The following TANC2 variants were observed in gnomAD, a reference collection of about 807,000 sequenced individuals.
The protein encoded by TANC2 is protein TANC2.
Under a neutral mutation model 210.5 loss-of-function variants are expected in TANC2, and 26 were observed. The ratio of observed to expected loss-of-function variants is 0.12; its 90% CI spans 0.09 to 0.17. The LOEUF (loss-of-function observed/expected upper bound fraction) is 0.17, where lower values mean the gene tolerates loss of function less well. Among genes scored for constraint, TANC2 ranks in the 10% least tolerant of loss-of-function variants. TANC2 has a pLI of 1.00. For missense variants in TANC2, 2,129 were observed against 2,608.9 expected, an observed-to-expected ratio of 0.82 and a Z score of 4.01; for synonymous variants, 931 against 967.1, an observed-to-expected ratio of 0.96 and a Z score of 0.69.
intron 5 of TANC2, among the ~76,000 whole-genome samples, chr17:63,187,894 G>A (rs1025470850): frequency 2.6e-5 from 4 of 152,012 alleles, no homozygotes; most frequent in Non-Finnish European, 4.4e-5. Context: ...TTTAGGAATA[G>A]CATCTTTAAA....
At chr17:63,319,124 G>A in intron 11 of TANC2, 34 bp downstream of exon 11, 6 of 1,587,060 alleles carry the variant, frequency 3.8e-6, no homozygotes, top group African/African-American at 1.3e-5. Flanking sequence ...GGATATGGTA[G>A]TTCCATTTTA....
intron 10 of TANC2, among the ~76,000 whole-genome samples, 200 bp downstream of exon 10, chr17:63,314,869 A>T (rs1449304000): frequency 6.6e-6 from 1 of 152,216 alleles, no homozygotes; most frequent in African/African-American, 2.4e-5. Context: ...CCTAAGCGTG[A>T]CTGAAGAAAA....
chr17:63,354,568 C>A (rs1218114751), intron 13 of TANC2, among the ~76,000 whole-genome samples: 1 of 152,118 alleles, frequency 6.6e-6, no homozygotes, highest in African/African-American at 2.4e-5. Context: ...TTACAAAGAC[C>A]CATTTAAAAA....
At chr17:62,988,938 A>G (rs1173189024) in intron 1 of TANC2, among the ~76,000 whole-genome samples, 1 of 152,216 alleles carries the variant, frequency 6.6e-6, no homozygotes, top group Non-Finnish European at 1.5e-5. Context: ...GATTTTGTAT[A>G]AAGTTCCCCT....
At chr17:63,126,396 G>T (rs1016070123) in intron 4 of TANC2, among the ~76,000 whole-genome samples, 1 of 151,940 alleles carries the variant, frequency 6.6e-6, no homozygotes, top group South Asian at 2.1e-4. Flanking sequence ...TTTTTTTAGT[G>T]GGGGGTTTAG....
chr17:63,080,960 AT>A (rs2036749956), intron 3 of TANC2, among the ~76,000 whole-genome samples: 1 of 152,284 alleles, frequency 6.6e-6, no homozygotes, highest in African/African-American at 2.4e-5. Flanking sequence ...TTTATATTAT[AT>A]TCTGGCTTTA....
chr17:63,190,749 G>T (rs190932210), intron 5 of TANC2, among the ~76,000 whole-genome samples: 19 of 152,028 alleles, frequency 1.2e-4, no homozygotes, highest in African/African-American at 3.4e-4. Context: ...AAAAAAAGAA[G>T]ATTTGATACA....
chr17:63,223,506 G>A (rs919994509), intron 7 of TANC2, among the ~76,000 whole-genome samples: 4 of 152,052 alleles, frequency 2.6e-5, no homozygotes, highest in Non-Finnish European at 4.4e-5. Flanking sequence ...GTCCGAAGCA[G>A]GAGCAACAGC....
chr17:63,376,974 T>G (rs1294577344), intron 14 of TANC2, among the ~76,000 whole-genome samples: 1 of 152,136 alleles, frequency 6.6e-6, no homozygotes, highest in Admixed American at 6.5e-5. Context: ...CCCACCACCA[T>G]GCCCAGCTAA....
At chr17:63,150,831 T>A (rs545014237) in intron 4 of TANC2, 1 of 152,300 alleles carries the variant, frequency 6.6e-6, no homozygotes. Flanking sequence ...CCTTGAAACA[T>A]AGTCCTGTGC....
intron 11 of TANC2, chr17:63,320,570 C>T (rs2045464547): frequency 6.6e-6 from 1 of 152,098 alleles, no homozygotes; most frequent in Non-Finnish European, 1.5e-5. Context: ...CTTATACTTG[C>T]TTATTTGTTT....
intron 14 of TANC2, among the ~76,000 whole-genome samples, chr17:63,368,156 G>A (rs1250458582): frequency 6.6e-6 from 1 of 152,184 alleles, no homozygotes; most frequent in Non-Finnish European, 1.5e-5. Context: ...AGGACAGAGG[G>A]ATCAAAAGTG....
At chr17:63,416,470 C>T (rs1468811742) in intron 26 of TANC2, among the ~76,000 whole-genome samples, 1 of 152,188 alleles carries the variant, frequency 6.6e-6, no homozygotes, top group African/African-American at 2.4e-5. Flanking sequence ...ATTAAAAACT[C>T]AGCTGGACAG....
chr17:63,353,745 G>A (rs972904449), intron 13 of TANC2, among the ~76,000 whole-genome samples: 1 of 152,012 alleles, frequency 6.6e-6, no homozygotes, highest in African/African-American at 2.4e-5. Context: ...AGAGGGGAAC[G>A]TTCTCTGGGA....
At chr17:63,272,298 A>G (rs1271659872) in intron 9 of TANC2, among the ~76,000 whole-genome samples, 1 of 151,760 alleles carries the variant, frequency 6.6e-6, no homozygotes, top group Non-Finnish European at 1.5e-5. Context: ...GTTCTCTATT[A>G]TGTTCGGTTG....
At chr17:63,344,567 C>T (rs2046339998) in intron 12 of TANC2, among the ~76,000 whole-genome samples, 1 of 152,096 alleles carries the variant, frequency 6.6e-6, no homozygotes, top group African/African-American at 2.4e-5. Flanking sequence ...TCTTTATTTG[C>T]AGACAACATA....
intron 12 of TANC2, 44 bp downstream of exon 12, chr17:63,340,376 C>A: frequency 6.7e-7 from 1 of 1,492,342 alleles, no homozygotes; most frequent in Non-Finnish European, 9.3e-7. Context: ...AGGTTTAGAG[C>A]CCAAGTTCAC....
At chr17:62,982,810 C>T (rs1464770481) in intron 1 of TANC2, among the ~76,000 whole-genome samples, 1 of 152,122 alleles carries the variant, frequency 6.6e-6, no homozygotes, top group East Asian at 1.9e-4. Context: ...CTATCTGTTC[C>T]ACTGGTCTAT....
At chr17:63,108,538 G>A (rs767501569) in intron 4 of TANC2, among the ~76,000 whole-genome samples, 11 of 151,820 alleles carry the variant, frequency 7.2e-5, no homozygotes, top group African/African-American at 1.2e-4. Context: ...TAGGCCAGAC[G>A]TTGTGGCTCA....
Sources: allele counts gnomAD v4.1 joint callset (sites outside exome capture counted in the v4.1 genomes callset), GRCh38; gene constraint gnomAD v4.1.1; transcripts MANE v1.5; gene names NCBI Gene and HGNC (gene_info 2026-07-23, HGNC 2026-07-21).